SGIP1: variants seen among roughly 807,000 people sequenced by gnomAD.
The protein encoded by SGIP1 is SH3-containing GRB2-like protein 3-interacting protein 1.
SGIP1 carries 38 observed loss-of-function variants against 107.5 expected under a neutral mutation model. The observed-to-expected ratio is 0.35, with a 90% CI of 0.27 to 0.46. SGIP1 has a LOEUF of 0.46. Ranked by LOEUF, SGIP1 falls within the 20% of genes least tolerant of loss-of-function variation. The pLI is 1.00. For synonymous variants in SGIP1, 365 were observed against 366.1 expected (o/e 1.00, Z 0.03); for missense variants, 929 against 1,019.5 (o/e 0.91, Z 1.21).
At chr1:66,626,137 C>CTTTTTTTTTTTTTT (rs35959436) in intron 2 of SGIP1, 188 of 121,878 alleles carry the variant, frequency 1.5e-3, no homozygotes, top group Middle Eastern at 4.3e-3. Context: ...TTCTTTCTTT[C>CTTTTTTTTTTTTTT]TTTTTTTTTT....
chr1:66,684,281 C>G, intron 15 of SGIP1: 2 of 1,523,504 alleles, frequency 1.3e-6, no homozygotes, highest in Non-Finnish European at 1.8e-6. Context: ...TATTTGACTA[C>G]TGACACCCAT....
chr1:66,647,418 T>C (rs1370860770), intron 7 of SGIP1, among the ~76,000 whole-genome samples: 1 of 152,198 alleles, frequency 6.6e-6, no homozygotes, highest in African/African-American at 2.4e-5. Context: ...CTGGAAAATG[T>C]AGTGTTTTGC....
At chr1:66,701,162 A>G (rs1483209707) in intron 18 of SGIP1, among the ~76,000 whole-genome samples, 3 of 152,164 alleles carry the variant, frequency 2.0e-5, no homozygotes, top group African/African-American at 7.2e-5. Flanking sequence ...AACTGGTCAA[A>G]TTTCTCACAT....
chr1:66,610,251 G>C (rs2067692384), intron 1 of SGIP1, among the ~76,000 whole-genome samples: 1 of 152,176 alleles, frequency 6.6e-6, no homozygotes, highest in Non-Finnish European at 1.5e-5. Context: ...CTAGGTATGA[G>C]TTTGTGTTCT....
At chr1:66,689,027 T>C (rs1337610917) in intron 15 of SGIP1, 121 bp from the exon 16 acceptor site, 2 of 1,123,764 alleles carry the variant, frequency 1.8e-6, no homozygotes, top group Non-Finnish European at 2.5e-6. Context: ...CTACAGTGTT[T>C]AGTGTAGTAA....
intron 1 of SGIP1, among the ~76,000 whole-genome samples, chr1:66,597,922 A>G (rs1276338103): frequency 6.6e-6 from 1 of 152,174 alleles, no homozygotes; most frequent in African/African-American, 2.4e-5. Flanking sequence ...AAAATACAAC[A>G]TTACTGAAAA....
intron 1 of SGIP1, among the ~76,000 whole-genome samples, chr1:66,601,517 G>T (rs1020663430): frequency 1.3e-5 from 2 of 152,022 alleles, no homozygotes; most frequent in African/African-American, 4.8e-5. Context: ...TTGAGTATGT[G>T]CATGTGTGTG....
intron 1 of SGIP1, among the ~76,000 whole-genome samples, chr1:66,610,736 C>T (rs1031490346): frequency 1.5e-5 from 2 of 136,698 alleles, no homozygotes; most frequent in African/African-American, 6.0e-5. Context: ...TTAATTCCAT[C>T]GATTTTAAGG....
intron 1 of SGIP1, among the ~76,000 whole-genome samples, chr1:66,580,373 C>G (rs1473700113): frequency 6.6e-6 from 1 of 152,122 alleles, no homozygotes; most frequent in African/African-American, 2.4e-5. Flanking sequence ...TGCCTGAAAC[C>G]CTCTTCCCCT....
intron 12 of SGIP1, among the ~76,000 whole-genome samples, chr1:66,673,860 T>C (rs1217263619): frequency 1.3e-5 from 2 of 152,110 alleles, no homozygotes; most frequent in Non-Finnish European, 2.9e-5. Context: ...GGAATGACCT[T>C]GAATCATTTA....
intron 18 of SGIP1, among the ~76,000 whole-genome samples, chr1:66,697,293 T>C (rs990312331): frequency 6.6e-6 from 1 of 152,230 alleles, no homozygotes; most frequent in Non-Finnish European, 1.5e-5. Flanking sequence ...TCACATTTTA[T>C]GAAAATATAT....
At chr1:66,534,872 G>A (rs1388413016) in intron 1 of SGIP1, among the ~76,000 whole-genome samples, 1 of 152,160 alleles carries the variant, frequency 6.6e-6, no homozygotes, top group Non-Finnish European at 1.5e-5. Flanking sequence ...ATATTATTGG[G>A]ATGGGGAGGG....
chr1:66,732,736 C>CT (rs150404620), intron 20 of SGIP1, among the ~76,000 whole-genome samples: 40,370 of 150,016 alleles, frequency 0.27, 5,461 homozygotes, highest in South Asian at 0.32. Context: ...AATTTTCTCT[C>CT]TTTTTTTTTT....
chr1:66,706,960 A>G (rs549050254), intron 18 of SGIP1, among the ~76,000 whole-genome samples: 1 of 152,292 alleles, frequency 6.6e-6, no homozygotes, highest in East Asian at 1.9e-4. Context: ...AAAAATTCAA[A>G]TATGGGAAAG....
rs770097981 is a variant in SGIP1 at position 66,635,961 on chromosome 1, A to G, written c.117A>G (p.Glu39=). 2 of 1,613,796 alleles carry G rather than the reference A, an allele frequency of 1.2e-6. No individual in the cohort carries two copies. The highest frequency in any genetic ancestry group is 1.7e-5 in the Admixed American group (1 of 59,944). The change falls in exon 4 of 25, where the codon GAA becomes GAG. Residue 39 remains glutamate (E), a synonymous_variant. Coordinates refer to ENST00000371037, the MANE Select transcript of SGIP1 (RefSeq NM_032291.4). Reference sequence around the variant, plus strand: ...AATTCCAGCAGCCCAGCCCACACGAACCACCCTACAATAGCAAAGCAGAGT... The same window carrying G: ...AATTCCAGCAGCCCAGCCCACACGAGCCACCCTACAATAGCAAAGCAGAGT... ...DRDGIQPSPH[E]PPYNSKAECA...
chr1:66,679,880 G>C (rs2086283874), intron 14 of SGIP1, 128 bp downstream of exon 14: 2 of 838,580 alleles, frequency 2.4e-6, no homozygotes, highest in Non-Finnish European at 3.4e-6. Flanking sequence ...ATTCAGTTTT[G>C]CTTTCATTAG....
intron 13 of SGIP1, 141 bp downstream of exon 13, chr1:66,677,237 C>CTATT: frequency 1.5e-6 from 1 of 649,026 alleles, no homozygotes; most frequent in Non-Finnish European, 2.6e-6. Flanking sequence ...GTTATTCTAA[C>CTATT]AGGCTTTCAA....
intron 1 of SGIP1, among the ~76,000 whole-genome samples, chr1:66,536,857 T>C (rs2053735952): frequency 6.6e-6 from 1 of 152,194 alleles, no homozygotes; most frequent in Non-Finnish European, 1.5e-5. Flanking sequence ...CATTTCTATA[T>C]TGCTAAAGTG....
At chr1:66,721,086 G>A (rs1267122631) in intron 19 of SGIP1, among the ~76,000 whole-genome samples, 2 of 152,118 alleles carry the variant, frequency 1.3e-5, no homozygotes, top group East Asian at 3.9e-4. Flanking sequence ...AACAAGCACT[G>A]TGGACCCTGG....
Sources: allele counts gnomAD v4.1 joint callset (sites outside exome capture counted in the v4.1 genomes callset), GRCh38; gene constraint gnomAD v4.1.1; transcripts MANE v1.5; gene names NCBI Gene and HGNC (gene_info 2026-07-23, HGNC 2026-07-21).